The following GREB1L variants were observed in gnomAD, a reference collection of about 807,000 sequenced individuals.
GREB1L encodes the protein GREB1-like protein.
Under a neutral mutation model 200.8 loss-of-function variants are expected in GREB1L, and 17 were observed. That is an observed-to-expected ratio of 0.08 (90% CI 0.06 to 0.13). The LOEUF (loss-of-function observed/expected upper bound fraction) is 0.13. Among genes scored for constraint, GREB1L ranks in the 10% least tolerant of loss-of-function variants. The pLI is 1.00. For missense variants in GREB1L, 1,657 were observed against 2,367.7 expected, an observed-to-expected ratio of 0.70 and a Z score of 6.23; for synonymous variants, 789 against 893.0, an observed-to-expected ratio of 0.88 and a Z score of 2.08.
chr18:21,298,285 C>T (rs1421698356), intron 1 of GREB1L, among the ~76,000 whole-genome samples: 1 of 152,140 alleles, frequency 6.6e-6, no homozygotes, highest in Non-Finnish European at 1.5e-5. Flanking sequence ...CCTTTTCTCT[C>T]TTTCTCTCTT....
In GREB1L at chr18:21,481,627, G is replaced by A. The variant is rs890843930; in HGVS notation, c.2557-3993G>A. Among the ~76,000 whole-genome samples the A allele has an allele frequency of 7.9e-5, 12 of 151,988 alleles. No individual in the cohort carries two copies. The South Asian group carries it at 1.5e-3, about 19-fold the overall frequency. On this transcript the variant is annotated intron_variant, in intron 17 of 32. Transcript: ENST00000424526. ...AAGAAACAGAATATTACCACCACCC[G>A]AGAAGTCCTGTGTCCCTTCTAGGCA...
intron 18 of GREB1L, among the ~76,000 whole-genome samples, chr18:21,486,369 A>G (rs1184033454): frequency 6.6e-6 from 1 of 151,800 alleles, no homozygotes; most frequent in African/African-American, 2.4e-5. Context: ...AAAAAAAAAA[A>G]AGTCCCACTT....
Position 21,271,661 on chromosome 18 carries a change from A to AAG in GREB1L, c.-120+29269_-120+29270insGA, listed in dbSNP as rs1226247295. On this transcript the variant is annotated intron_variant, in intron 1 of 32. Coordinates refer to ENST00000424526, the MANE Select transcript of GREB1L (RefSeq NM_001142966.3). ...CAAGACCCTGTCTCAAAAAAAAAAA[A>AAG]AAAAAAAAAGAATGCATTTATTATG... is the stretch of plus-strand genomic sequence containing the variant. 7.1e-3 allele frequency among the ~76,000 whole-genome samples: 1,083 copies of AAG among 151,876 alleles called. 22 individuals carry two copies. The highest frequency in any genetic ancestry group is 0.025 in the African/African-American group (1,013 of 41,346).
chr18:21,310,313 T>G (rs1321064761), intron 1 of GREB1L, among the ~76,000 whole-genome samples: 3 of 152,226 alleles, frequency 2.0e-5, no homozygotes, highest in Non-Finnish European at 2.9e-5. Context: ...TCAAGTGCTG[T>G]AATCCCAGCA....
intron 1 of GREB1L, among the ~76,000 whole-genome samples, chr18:21,315,247 G>GT (rs2038849843): frequency 6.6e-6 from 1 of 152,064 alleles, no homozygotes; most frequent in Non-Finnish European, 1.5e-5. Flanking sequence ...GCACCACCAT[G>GT]TGCAGCTAAT....
In GREB1L at chr18:21,524,364, G is replaced by A. The variant is rs1261150464; in HGVS notation, c.*1543G>A. On this transcript the variant is annotated 3_prime_UTR_variant, in exon 33 of 33. Coordinates refer to ENST00000424526, the MANE Select transcript of GREB1L (RefSeq NM_001142966.3). ...TATAGCTACTTATAATGCTTTAACT[G>A]TATTTTGAAGTGAACAATTCCTTTT... 2 of 152,198 alleles carry A rather than the reference G, an allele frequency of 1.3e-5. No individual in the cohort carries two copies. Among genetic ancestry groups the A allele is most frequent in the Non-Finnish European group, 2.9e-5 (2 of 68,032 alleles). 9.4% of individuals were successfully genotyped at this position (152,198 alleles called of 1,614,324 possible). A position where few individuals can be genotyped will look rare whatever the true frequency, so the allele number is the denominator to read the frequency against.
At chr18:21,270,985 C>T (rs2038069065) in intron 1 of GREB1L, among the ~76,000 whole-genome samples, 2 of 152,136 alleles carry the variant, frequency 1.3e-5, no homozygotes, top group Admixed American at 1.3e-4. Context: ...CTTGAGTTCA[C>T]ACAGTAAGTG....
intron 1 of GREB1L, among the ~76,000 whole-genome samples, chr18:21,252,913 G>T (rs1219074388): frequency 6.6e-6 from 1 of 152,108 alleles, no homozygotes; most frequent in Non-Finnish European, 1.5e-5. Context: ...ATTTCCCAGG[G>T]TTTCCTGTTT....
intron 1 of GREB1L, among the ~76,000 whole-genome samples, chr18:21,262,125 C>T (rs1282983521): frequency 2.0e-5 from 3 of 152,114 alleles, no homozygotes; most frequent in East Asian, 1.9e-4. Flanking sequence ...CTATGACACA[C>T]GGTCAGACAC....
chr18:21,428,636 T>C (rs1383948876), intron 7 of GREB1L, among the ~76,000 whole-genome samples: 4 of 71,162 alleles, frequency 5.6e-5, no homozygotes, highest in Non-Finnish European at 8.7e-5. Flanking sequence ...ATATAGTCCC[T>C]TTTTTTTTTT....
In GREB1L at chr18:21,395,349, A is replaced by T. The variant is rs535668066; in HGVS notation, c.356-36A>T. The T allele has an allele frequency of 1.6e-5, 24 of 1,474,664 alleles. 1 individual carries two copies. In the South Asian group the frequency reaches 2.8e-4, roughly 17 times the overall value. 91.3% of individuals were successfully genotyped at this position (1,474,664 alleles called of 1,614,324 possible). A position where few individuals can be genotyped will look rare whatever the true frequency, so the allele number is the denominator to read the frequency against. Reference sequence around the variant, plus strand: ...ATAAGAAGATATAATCTCACTAAACATTTCACTGTGTCCTTTTTTTTAAAC... The same window carrying T: ...ATAAGAAGATATAATCTCACTAAACTTTTCACTGTGTCCTTTTTTTTAAAC... On this transcript the variant is annotated intron_variant, in intron 4 of 32. Coordinates refer to ENST00000424526, the MANE Select transcript of GREB1L (RefSeq NM_001142966.3).
rs138338148 is a variant in GREB1L at position 21,438,191 on chromosome 18, C to CT, written c.833-1329dup. Among the ~76,000 whole-genome samples the CT allele has an allele frequency of 7.9e-3, 1,196 of 152,132 alleles. 19 individuals are homozygous for CT. Among genetic ancestry groups the CT allele is most frequent in the African/African-American group, 0.028 (1,154 of 41,474 alleles). On this transcript the variant is annotated intron_variant, in intron 7 of 32. Coordinates refer to ENST00000424526, the MANE Select transcript of GREB1L (RefSeq NM_001142966.3). ...TGGCAGGCTGAGGTGGGAGGACCGC[C>CT]TGAGCCCAGAAGTCAAGACTGCAGC...
chr18:21,478,401 G>A (rs2035792245), intron 17 of GREB1L, among the ~76,000 whole-genome samples: 1 of 152,100 alleles, frequency 6.6e-6, no homozygotes, highest in Admixed American at 6.5e-5. Flanking sequence ...ATTAAGCAAT[G>A]GATCCCTCAT....
At chr18:21,432,698 TTTTTTTC>T (rs1201343238) in intron 7 of GREB1L, among the ~76,000 whole-genome samples, 16 of 135,436 alleles carry the variant, frequency 1.2e-4, no homozygotes, top group East Asian at 6.5e-4. Context: ...AACATTTTCT[TTTTTTTC>T]TTTTTTTTTT....
chr18:21,507,252 A>C (rs1409330964), intron 25 of GREB1L, among the ~76,000 whole-genome samples: 1 of 152,214 alleles, frequency 6.6e-6, no homozygotes, highest in African/African-American at 2.4e-5. Flanking sequence ...AAATCTCTTT[A>C]TTAGAAATCC....
chr18:21,252,800 G>A (rs1460987926), intron 1 of GREB1L, among the ~76,000 whole-genome samples: 27 of 152,182 alleles, frequency 1.8e-4, no homozygotes, highest in African/African-American at 4.6e-4. Context: ...CCCGGGAGGC[G>A]GAGGTTGCAG....
At chr18:21,467,751 G>A (rs1432076853) in intron 15 of GREB1L, among the ~76,000 whole-genome samples, 2 of 152,134 alleles carry the variant, frequency 1.3e-5, no homozygotes, top group Non-Finnish European at 2.9e-5. Flanking sequence ...TGAGCCGGGC[G>A]CAGTGGCTCA....
At chr18:21,371,438 C>T (rs1272240611) in intron 2 of GREB1L, among the ~76,000 whole-genome samples, 1 of 150,954 alleles carries the variant, frequency 6.6e-6, no homozygotes, top group African/African-American at 2.4e-5. Context: ...TACTTTTCTT[C>T]ATATCCTCAA....
intron 7 of GREB1L, among the ~76,000 whole-genome samples, chr18:21,426,875 C>T (rs1318785672): frequency 6.1e-5 from 9 of 148,194 alleles, no homozygotes; most frequent in African/African-American, 1.2e-4. Context: ...AGGAGAATGG[C>T]GTGAACCCGG....
Sources: gnomAD v4.1 joint callset for allele counts (sites outside exome capture counted in the v4.1 genomes callset) on GRCh38, gnomAD v4.1.1 for gene constraint, MANE v1.5 for transcripts, NCBI Gene and HGNC (gene_info 2026-07-23, HGNC 2026-07-21) for gene names.